MINPP1: variants seen among roughly 807,000 people sequenced by gnomAD.
MINPP1 encodes the protein multiple inositol polyphosphate phosphatase 1.
In MINPP1, 28 loss-of-function variants were observed where a neutral mutation model predicts 46.1. That is an observed-to-expected ratio of 0.61 (90% CI 0.45 to 0.83). MINPP1 has a LOEUF of 0.83. Among genes scored for constraint, MINPP1 ranks in the 40% least tolerant of loss-of-function variants. The pLI is 0.00. For missense variants in MINPP1, 603 were observed against 610.0 expected (o/e 0.99, Z 0.12); for synonymous variants, 268 against 249.1 (o/e 1.08, Z -0.72).
chr10:87,539,132 A>T lies in MINPP1; in HGVS notation c.1068-12950A>T, dbSNP rs544174089. On this transcript the variant is annotated intron_variant, in intron 4 of 4. Transcript: ENST00000371996. ...TCCTCTTAACCATTTTCACGCTGTT[A>T]TTCCTAAAATAAGAAGGGTTGACCA... Among the ~76,000 whole-genome samples the T allele has an allele frequency of 2.5e-3, 383 of 152,330 alleles. 2 individuals are homozygous for T. Among genetic ancestry groups the T allele is most frequent in the Non-Finnish European group, 4.0e-3 (275 of 68,008 alleles).
chr10:87,538,604 C>T (rs1349704973), intron 4 of MINPP1, among the ~76,000 whole-genome samples: 1 of 152,160 alleles, frequency 6.6e-6, no homozygotes, highest in South Asian at 2.1e-4. Context: ...TTATGTTAAG[C>T]TGTTGGATTG....
At chr10:87,540,057 A>G (rs1023232817) in intron 4 of MINPP1, among the ~76,000 whole-genome samples, 1 of 152,184 alleles carries the variant, frequency 6.6e-6, no homozygotes, top group African/African-American at 2.4e-5. Context: ...TTTCGTAGAC[A>G]CAAGGTCTCT....
At position 87,504,913 on chromosome 10, in the gene MINPP1, A is replaced by T. The variant is rs993714610; in HGVS notation, c.-3A>T. 31 of 1,610,016 alleles carry T rather than the reference A, an allele frequency of 1.9e-5. No homozygotes were observed. Among genetic ancestry groups the T allele is most frequent in the Non-Finnish European group, 2.5e-5 (30 of 1,179,144 alleles). On this transcript the variant is annotated 5_prime_UTR_variant, in exon 1 of 5. Transcript: ENST00000371996. ...TCGGCGCACTCCACTGACCGTCCCG[A>T]CGATGCTACGCGCGCCCGGCTGCCT... is the stretch of plus-strand genomic sequence containing the variant.
At chr10:87,521,275 A>T (rs1256956299) in intron 4 of MINPP1, 106 bp downstream of exon 4, 1 of 887,812 alleles carries the variant, frequency 1.1e-6, no homozygotes, top group Non-Finnish European at 1.8e-6. Flanking sequence ...CTTGTGTTTT[A>T]AAAAAATTTT....
chr10:87,513,919 C>A (rs761480756), intron 3 of MINPP1, among the ~76,000 whole-genome samples: 5 of 152,056 alleles, frequency 3.3e-5, no homozygotes, highest in Non-Finnish European at 5.9e-5. Context: ...TTTAGGAGAA[C>A]ATCTGTACCC....
intron 2 of MINPP1, among the ~76,000 whole-genome samples, chr10:87,511,864 G>C (rs1459029120): frequency 6.6e-6 from 1 of 152,102 alleles, no homozygotes; most frequent in Non-Finnish European, 1.5e-5. Flanking sequence ...TATTGTATCA[G>C]GTATTGAGAT....
chr10:87,543,569 G>GT (rs1352055851), intron 4 of MINPP1, among the ~76,000 whole-genome samples: 2 of 152,144 alleles, frequency 1.3e-5, no homozygotes, highest in African/African-American at 2.4e-5. Flanking sequence ...CGGGAGGACT[G>GT]TTTGAGTCTG....
intron 4 of MINPP1, among the ~76,000 whole-genome samples, chr10:87,548,091 A>G (rs1235064047): frequency 6.6e-6 from 1 of 152,148 alleles, no homozygotes; most frequent in Non-Finnish European, 1.5e-5. Flanking sequence ...AACCTGTATC[A>G]TAGAGTAAGC....
chr10:87,548,742 A>C (rs1439610427), intron 4 of MINPP1, among the ~76,000 whole-genome samples: 1 of 152,032 alleles, frequency 6.6e-6, no homozygotes, highest in Non-Finnish European at 1.5e-5. Flanking sequence ...TTTGCTTTTA[A>C]TGGCTCTACT....
At chr10:87,510,463 T>C (rs1851319498) in intron 2 of MINPP1, among the ~76,000 whole-genome samples, 1 of 152,272 alleles carries the variant, frequency 6.6e-6, no homozygotes, top group Non-Finnish European at 1.5e-5. Context: ...TGTAAGAGGC[T>C]GTTGCTAATG....
intron 3 of MINPP1, among the ~76,000 whole-genome samples, chr10:87,520,637 T>C (rs2131814445): frequency 6.6e-6 from 1 of 152,184 alleles, no homozygotes; most frequent in African/African-American, 2.4e-5. Flanking sequence ...CTTTATTCTT[T>C]CTTCTAAATG....
rs55793510 is a variant in MINPP1, at chr10:87,506,636, A to G, written c.637+1084A>G. Among the ~76,000 whole-genome samples, 1,491 of 152,334 alleles carry G rather than the reference A, an allele frequency of 9.8e-3. 19 individuals are homozygous for G. The highest frequency in any genetic ancestry group is 0.034 in the African/African-American group (1,421 of 41,574). ...CTATACTGCCTCCATTTGTCCAATA[A>G]CATACCTAATAAGAATAAAAACATG... On this transcript the variant is annotated intron_variant, in intron 1 of 4. Coordinates refer to ENST00000371996, the MANE Select transcript of MINPP1 (RefSeq NM_004897.5).
intron 4 of MINPP1, among the ~76,000 whole-genome samples, chr10:87,550,133 C>A (rs753404735): frequency 6.6e-6 from 1 of 152,030 alleles, no homozygotes; most frequent in Non-Finnish European, 1.5e-5. Flanking sequence ...ACTTGTGTTG[C>A]CAGATCTTTC....
At chr10:87,522,892 C>G (rs959957969) in intron 4 of MINPP1, among the ~76,000 whole-genome samples, 5 of 152,226 alleles carry the variant, frequency 3.3e-5, no homozygotes, top group African/African-American at 1.2e-4. Context: ...TCAATCCTCT[C>G]AAAGCCTGTC....
chr10:87,541,915 G>A (rs1442970008), intron 4 of MINPP1, among the ~76,000 whole-genome samples: 1 of 152,140 alleles, frequency 6.6e-6, no homozygotes, highest in Non-Finnish European at 1.5e-5. Context: ...TACCTCCAAT[G>A]TTGGGAATCA....
intron 4 of MINPP1, among the ~76,000 whole-genome samples, chr10:87,551,054 A>G (rs1851955494): frequency 6.6e-6 from 1 of 151,994 alleles, no homozygotes; most frequent in African/African-American, 2.4e-5. Flanking sequence ...GCTTTCTTCA[A>G]CAGATACTGA....
At chr10:87,540,434 CTCTT>C (rs1456188281) in intron 4 of MINPP1, among the ~76,000 whole-genome samples, 1 of 151,972 alleles carries the variant, frequency 6.6e-6, no homozygotes, top group African/African-American at 2.4e-5. Flanking sequence ...ATGTTTCTCT[CTCTT>C]TCTCCTCTCT....
At position 87,543,474 on chromosome 10, in the gene MINPP1, G is replaced by A. The variant is rs369227851; in HGVS notation, c.1068-8608G>A. On this transcript the variant is annotated intron_variant, in intron 4 of 4. Transcript: ENST00000371996. ...GTTCAAGACCACTCTGGGCAAGAAAGTGAGACCTCATCTCTACAAAAAATA... is the reference window on the plus strand; with the variant it reads ...GTTCAAGACCACTCTGGGCAAGAAAATGAGACCTCATCTCTACAAAAAATA... 3.2e-4 allele frequency among the ~76,000 whole-genome samples: 48 copies of A among 152,224 alleles called. No individual in the cohort carries two copies. In the South Asian group the frequency reaches 9.8e-3, roughly 31 times the overall value.
intron 4 of MINPP1, among the ~76,000 whole-genome samples, chr10:87,540,320 C>T (rs1187013330): frequency 1.3e-5 from 2 of 152,186 alleles, no homozygotes; most frequent in East Asian, 3.8e-4. Flanking sequence ...TGACAAAATA[C>T]ATGCAAGAGG....
Sources: gnomAD v4.1 joint callset for allele counts (sites outside exome capture counted in the v4.1 genomes callset) on GRCh38, gnomAD v4.1.1 for gene constraint, MANE v1.5 for transcripts, NCBI Gene and HGNC (gene_info 2026-07-23, HGNC 2026-07-21) for gene names.